ANKRD50: variants seen among roughly 807,000 people sequenced by gnomAD.
ANKRD50 encodes the protein ankyrin repeat domain-containing protein 50.
ANKRD50 carries 40 observed loss-of-function variants against 112.0 expected under a neutral mutation model. The ratio of observed to expected loss-of-function variants is 0.36; its 90% confidence interval spans 0.28 to 0.46. The LOEUF is 0.46. Among genes scored for constraint, ANKRD50 ranks in the 20% least tolerant of loss-of-function variants. ANKRD50 has a pLI of 1.00. For synonymous variants in ANKRD50, 613 were observed against 619.1 expected, an observed-to-expected ratio of 0.99 and a Z score of 0.15; for missense variants, 1,487 against 1,701.7, an observed-to-expected ratio of 0.87 and a Z score of 2.22.
At chr4:124,702,400 T>G (rs1448798306) in intron 2 of ANKRD50, among the ~76,000 whole-genome samples, 1 of 152,166 alleles carries the variant, frequency 6.6e-6, no homozygotes, top group African/African-American at 2.4e-5. Flanking sequence ...ACCAGAATAT[T>G]ATGACAGAAG....
chr4:124,683,926 A>G (rs1252334680), intron 2 of ANKRD50, among the ~76,000 whole-genome samples: 1 of 21,294 alleles, frequency 4.7e-5, no homozygotes, highest in Non-Finnish European at 1.0e-4. Flanking sequence ...TTTTCCATTT[A>G]TAGCTTCTAA....
chr4:124,708,624 A>G (rs1342367131), intron 2 of ANKRD50, among the ~76,000 whole-genome samples: 1 of 151,892 alleles, frequency 6.6e-6, no homozygotes, highest in Non-Finnish European at 1.5e-5. Context: ...GCTTTGCCAT[A>G]CATAACCTTC....
intron 2 of ANKRD50, among the ~76,000 whole-genome samples, chr4:124,683,582 C>G (rs549162114): frequency 2.0e-5 from 3 of 151,630 alleles, no homozygotes; most frequent in African/African-American, 7.2e-5. Context: ...TAAGGGCAAT[C>G]ATATTCACAT....
intron 2 of ANKRD50, among the ~76,000 whole-genome samples, chr4:124,706,127 T>A (rs1333997183): frequency 6.6e-6 from 1 of 152,106 alleles, no homozygotes; most frequent in East Asian, 1.9e-4. Flanking sequence ...AAGATAAATA[T>A]TAATGTTAGA....
At chr4:124,675,592 G>A (rs896149468) in intron 3 of ANKRD50, among the ~76,000 whole-genome samples, 4 of 151,596 alleles carry the variant, frequency 2.6e-5, no homozygotes, top group African/African-American at 7.3e-5. Flanking sequence ...TTAACACAAC[G>A]TGTTAATAAT....
intron 2 of ANKRD50, among the ~76,000 whole-genome samples, chr4:124,698,583 G>C (rs1016854952): frequency 6.6e-6 from 1 of 151,944 alleles, no homozygotes; most frequent in Non-Finnish European, 1.5e-5. Flanking sequence ...GGGGACCCTG[G>C]AAGACTCTGA....
In ANKRD50 at chr4:124,672,160, C is replaced by G; in HGVS notation, c.1117G>C (p.Val373Leu). The G allele has an allele frequency of 6.2e-7, 1 of 1,613,870 alleles. No homozygotes were observed. Among genetic ancestry groups the G allele is most frequent in the South Asian group, 1.1e-5 (1 of 91,076 alleles). ...PLTITELYHA[V>L]WTKNMSLTLE... ...GTTAACGACATGTTTTTGGTCCATA[C>G]TGCGTGATATAATTCCGTTATGGTC... The change falls in exon 4 of 5, where the codon GTA becomes CTA. Residue 373 changes from valine (V) to leucine (L), a missense_variant. Physicochemically the swap from Val to Leu is conservative, Grantham distance 32. Transcript: ENST00000504087.
In ANKRD50 at chr4:124,671,569, C is replaced by A. The variant is rs61739398; in HGVS notation, c.1708G>T (p.Asp570Tyr). 5 of 1,613,776 alleles carry A rather than the reference C, an allele frequency of 3.1e-6. No individual in the cohort carries two copies. The highest frequency in any genetic ancestry group is 3.3e-5 in the Admixed American group (2 of 59,952). ...CCATGAGCATCTTCTATCTCTAAAT[C>A]TGCTCCCCTAGAGACAAGTAAATTG... ...VVNLLVSRGADLEIEDAHGHT... is the reference protein window; with the variant it reads ...VVNLLVSRGAYLEIEDAHGHT... The change falls in exon 4 of 5, where the codon GAT (aspartate) becomes TAT (tyrosine). Residue 570 changes from aspartate (D) to tyrosine (Y), a missense_variant. Asp to Tyr is a radical substitution (Grantham distance 160, BLOSUM62 -3). This residue lies in a region of ANKRD50 where 1,046 missense variants were observed against 1,269.5 expected (regional missense o/e 0.82). Coordinates refer to ENST00000504087, the MANE Select transcript of ANKRD50 (RefSeq NM_020337.3).
Position 124,710,586 on chromosome 4 carries a change from T to G in ANKRD50, c.-75A>C. 2 of 1,479,462 alleles carry G rather than the reference T, an allele frequency of 1.4e-6. No individual in the cohort carries two copies. The highest frequency in any genetic ancestry group is 2.3e-5 in the East Asian group (1 of 43,964). 91.6% of individuals were successfully genotyped at this position (1,479,462 alleles called of 1,614,324 possible). A position where few individuals can be genotyped will look rare whatever the true frequency, so the allele number is the denominator to read the frequency against. On this transcript the variant is annotated 5_prime_UTR_variant, in exon 2 of 5. Transcript: ENST00000504087. ...TCTTTCCATCCATTATGACATAACT[T>G]GTATATTAAGTTGACTCTGAAGACA... is the stretch of plus-strand genomic sequence containing the variant.
At chr4:124,667,966 AAGAC>A (rs1464594792) in intron 4 of ANKRD50, among the ~76,000 whole-genome samples, 1 of 151,974 alleles carries the variant, frequency 6.6e-6, no homozygotes, top group Non-Finnish European at 1.5e-5. Flanking sequence ...TATATTTACA[AAGAC>A]AGAAGCAGCA....
At position 124,703,874 on chromosome 4, in the gene ANKRD50, A is replaced by G. The variant is rs55953825; in HGVS notation, c.512+6126T>C. ...TCAAAGTTCTAAGTATGCAAACAGG[A>G]GCAATATGTTATGTCATTAGAGCAG... On this transcript the variant is annotated intron_variant, in intron 2 of 4. Coordinates refer to ENST00000504087, the MANE Select transcript of ANKRD50 (RefSeq NM_020337.3). 6.4e-3 allele frequency among the ~76,000 whole-genome samples: 980 copies of G among 152,272 alleles called. 16 individuals are homozygous for G. The highest frequency in any genetic ancestry group is 0.022 in the African/African-American group (918 of 41,554).
At position 124,670,522 on chromosome 4, in the gene ANKRD50, C is replaced by T; in HGVS notation, c.2755G>A (p.Val919Ile). The change falls in exon 4 of 5, where the codon GTT becomes ATT. Residue 919 changes from valine (V) to isoleucine (I), a missense_variant. Physicochemically the swap from Val to Ile is conservative, Grantham distance 29 (BLOSUM62 3). Coordinates refer to ENST00000504087, the MANE Select transcript of ANKRD50 (RefSeq NM_020337.3). ...TCCCTGTGCCCTTCTAATGCAGCAA[C>T]CCGCAGTGCATTTCTTCCATCATAA... ...RGYDGRNALR[V>I]AALEGHRDIV... 6.2e-7 allele frequency: 1 copy of T among 1,613,518 alleles called. No individual in the cohort carries two copies. The highest frequency in any genetic ancestry group is 8.5e-7 in the Non-Finnish European group (1 of 1,179,806).
At position 124,670,810 on chromosome 4, in the gene ANKRD50, C is replaced by T; in HGVS notation, c.2467G>A (p.Ala823Thr). 6.2e-7 allele frequency: 1 copy of T among 1,613,914 alleles called. No homozygotes were observed. Among genetic ancestry groups the T allele is most frequent in the Non-Finnish European group, 8.5e-7 (1 of 1,179,884 alleles). Residue 823 changes from alanine to threonine, a missense_variant, in exon 4 of 5, where the codon GCA (alanine) becomes ACA (threonine). Physicochemically the swap from Ala to Thr is moderately conservative, Grantham distance 58 (BLOSUM62 0). Transcript: ENST00000504087. ...CGTACCACCTCAACATTTCCTTGTG[C>T]TGAAGCTATACTGAGGACTGTCCTA... The part of the protein sequence containing the change: ...EGRTVLSIAS[A>T]QGNVEVVRTL...
At position 124,678,681 on chromosome 4, in the gene ANKRD50, A is replaced by C. The variant is rs188660717; in HGVS notation, c.737T>G (p.Phe246Cys). The C allele has an allele frequency of 6.2e-7, 1 of 1,612,554 alleles. No individual in the cohort carries two copies. The highest frequency in any genetic ancestry group is 1.3e-5 in the African/African-American group (1 of 75,008). Residue 246 changes from phenylalanine (F) to cysteine (C), a missense_variant, in exon 3 of 5, where the codon TTT becomes TGT. Around this residue, in one of 2 missense-constraint regions of ANKRD50, gnomAD observed 1,046 missense variants for 1,269.5 expected, o/e 0.82. Transcript: ENST00000504087. ...CAGTAAGTAATTATGCTTACCAGTA[A>C]ACATTTTAGTAACAGCCTTACTCTG... Reference protein sequence around the residue: ...RKQSKAVTKMFTGFRKISLDD... With the variant: ...RKQSKAVTKMCTGFRKISLDD...
chr4:124,706,710 T>A (rs1182797891), intron 2 of ANKRD50, among the ~76,000 whole-genome samples: 18 of 152,080 alleles, frequency 1.2e-4, no homozygotes, highest in Admixed American at 1.2e-3. Context: ...TACACCCTGA[T>A]AAATCCATTA....
rs747459379 is a variant in ANKRD50 at position 124,669,648 on chromosome 4, T to G, written c.3629A>C (p.His1210Pro). ...AATTTGTTCTGTAAATGACAAGTTA[T>G]GAAAGCTATCAATTGGCACTGTTTG... Reference protein sequence around the residue: ...TAQTVPIDSFHNLSFTEQIQQ... With the variant: ...TAQTVPIDSFPNLSFTEQIQQ... Residue 1210 changes from histidine (H) to proline (P), a missense_variant, in exon 4 of 5, where the codon CAT (histidine) becomes CCT (proline). Physicochemically the swap from His to Pro is moderately conservative, Grantham distance 77. Coordinates refer to ENST00000504087, the MANE Select transcript of ANKRD50 (RefSeq NM_020337.3). 34 of 1,613,406 alleles carry G rather than the reference T, an allele frequency of 2.1e-5. No homozygotes were observed. In the East Asian group the frequency reaches 7.6e-4, roughly 36 times the overall value.
At chr4:124,688,508 T>C (rs1253765586) in intron 2 of ANKRD50, among the ~76,000 whole-genome samples, 1 of 152,156 alleles carries the variant, frequency 6.6e-6, no homozygotes, top group Non-Finnish European at 1.5e-5. Flanking sequence ...TTTTACTGTA[T>C]GAAAAATGAA....
chr4:124,674,722 A>C (rs1362068406), intron 3 of ANKRD50, among the ~76,000 whole-genome samples: 1 of 151,842 alleles, frequency 6.6e-6, no homozygotes, highest in Non-Finnish European at 1.5e-5. Flanking sequence ...ATTCTATAAG[A>C]AAGTATAGAA....
chr4:124,672,594 T>C (rs1390592220), intron 3 of ANKRD50, 60 bp from the exon 4 acceptor site: 6 of 1,197,626 alleles, frequency 5.0e-6, no homozygotes, highest in Admixed American at 6.1e-5. Context: ...AAGTACCATA[T>C]CTTCAAAGAG....
Sources: gnomAD v4.1 joint callset for allele counts (sites outside exome capture counted in the v4.1 genomes callset) on GRCh38, gnomAD v4.1.1 for gene constraint, gnomAD v4.1.1 regional missense constraint, MANE v1.5 for transcripts, NCBI Gene and HGNC (gene_info 2026-07-23, HGNC 2026-07-21) for gene names.